DOCK4: variants seen among roughly 807,000 people sequenced by gnomAD.
DOCK4 encodes dedicator of cytokinesis 4.
A neutral mutation model predicts 268.1 loss-of-function variants in DOCK4; 97 were observed. That is an observed-to-expected ratio of 0.36 (90% confidence interval 0.31 to 0.43). The LOEUF is 0.43. Ranked by LOEUF, DOCK4 falls within the 20% of genes least tolerant of loss-of-function variation. The pLI is 1.00. For missense variants in DOCK4, 2,145 were observed against 2,455.7 expected (o/e 0.87, Z 2.67); for synonymous variants, 954 against 887.2 (o/e 1.08, Z -1.34).
At chr7:112,156,832 C>T (rs1816652384) in intron 1 of DOCK4, among the ~76,000 whole-genome samples, 1 of 152,000 alleles carries the variant, frequency 6.6e-6, no homozygotes, top group South Asian at 2.1e-4. Context: ...CCACCTTAAC[C>T]TTTCATATTA....
chr7:111,902,715 CAT>C (rs1166282345), intron 13 of DOCK4, among the ~76,000 whole-genome samples: 1 of 151,734 alleles, frequency 6.6e-6, no homozygotes, highest in Non-Finnish European at 1.5e-5. Flanking sequence ...TTACTTAACA[CAT>C]ATTTCAAACA....
chr7:111,969,703 T>A, intron 8 of DOCK4, among the ~76,000 whole-genome samples: 1 of 151,506 alleles, frequency 6.6e-6, no homozygotes, highest in African/African-American at 2.4e-5. Flanking sequence ...ATTTACTGTC[T>A]ATTGTAGATT....
chr7:112,191,815 A>G (rs944116771), intron 1 of DOCK4, among the ~76,000 whole-genome samples: 1 of 151,972 alleles, frequency 6.6e-6, no homozygotes, highest in Non-Finnish European at 1.5e-5. Context: ...CACAGGGCCA[A>G]TCACACAGGC....
chr7:112,128,603 C>G (rs1813489743), intron 1 of DOCK4, among the ~76,000 whole-genome samples: 1 of 152,252 alleles, frequency 6.6e-6, no homozygotes, highest in African/African-American at 2.4e-5. Context: ...ATCCTGTTAT[C>G]TGTGACCTTA....
At chr7:111,982,571 T>C (rs1314565221) in intron 7 of DOCK4, among the ~76,000 whole-genome samples, 2 of 152,210 alleles carry the variant, frequency 1.3e-5, no homozygotes, top group African/African-American at 4.8e-5. Flanking sequence ...TTTCCCTATT[T>C]AGTAGATGAA....
At position 111,735,106 on chromosome 7, in the gene DOCK4, C is replaced by T. The variant is rs139961687; in HGVS notation, c.5367G>A (p.Ser1789=). ...GGGGAGAGATAAGTTTCCCACTATC[C>T]GACATGTTCTTGGCTTCCTTCCCAC... ...LDSGKEAKNM[S]DSGKLISPPV... The change falls in exon 51 of 53, where the codon TCG becomes TCA. Residue 1789 remains serine, a synonymous_variant. Transcript: ENST00000428084. 81 of 1,602,452 alleles carry T rather than the reference C, an allele frequency of 5.1e-5. No homozygotes were observed. The highest frequency in any genetic ancestry group is 9.0e-5 in the East Asian group (4 of 44,636).
chr7:111,894,977 A>G (rs1808620390), intron 16 of DOCK4, among the ~76,000 whole-genome samples: 2 of 152,178 alleles, frequency 1.3e-5, no homozygotes, highest in Admixed American at 1.3e-4. Flanking sequence ...AAATGGAGAA[A>G]TGCAAAGGAG....
Position 111,735,169 on chromosome 7 carries a change from T to C in DOCK4, c.5306-2A>G, listed in dbSNP as rs1795388112. The stretch of plus-strand genomic sequence containing the variant: ...AGCTGCTAGGGGTGGGGTTCACAGC[T>C]GGAAGGGAATAACACAGCTAAAAAC... On this transcript the variant is annotated splice_acceptor_variant, in intron 50 of 52. Transcript: ENST00000428084. LOFTEE classifies it high-confidence loss of function. 6.4e-7 allele frequency: 1 copy of C among 1,570,972 alleles called. No homozygotes were observed. Among genetic ancestry groups the C allele is most frequent in the Non-Finnish European group, 8.6e-7 (1 of 1,156,464 alleles).
At chr7:112,193,691 A>G (rs1024417157) in intron 1 of DOCK4, among the ~76,000 whole-genome samples, 28 of 152,098 alleles carry the variant, frequency 1.8e-4, no homozygotes, top group Admixed American at 5.2e-4. Flanking sequence ...GAGAGCCAAC[A>G]CTAACTACAT....
chr7:111,814,334 G>T (rs1052797278), intron 27 of DOCK4, among the ~76,000 whole-genome samples: 2 of 152,054 alleles, frequency 1.3e-5, no homozygotes, highest in East Asian at 3.9e-4. Context: ...ACCTGCCCCG[G>T]GCCCTAGAAT....
At chr7:112,190,164 G>A (rs1465106559) in intron 1 of DOCK4, among the ~76,000 whole-genome samples, 1 of 152,032 alleles carries the variant, frequency 6.6e-6, no homozygotes, top group Non-Finnish European at 1.5e-5. Flanking sequence ...CCTCATCCAA[G>A]GAACCCATTC....
At chr7:112,178,033 A>C (rs867905488) in intron 1 of DOCK4, among the ~76,000 whole-genome samples, 5 of 152,240 alleles carry the variant, frequency 3.3e-5, no homozygotes, top group Admixed American at 6.5e-5. Context: ...AACAAATTGT[A>C]TTAAGTACCC....
chr7:112,039,357 T>G (rs1329056180), intron 1 of DOCK4, among the ~76,000 whole-genome samples: 2 of 134,908 alleles, frequency 1.5e-5, no homozygotes, highest in Admixed American at 7.3e-5. Context: ...CTGAAGGTTT[T>G]AAAGAGGATT....
intron 1 of DOCK4, among the ~76,000 whole-genome samples, chr7:112,204,683 T>C (rs1821224758): frequency 2.0e-5 from 3 of 152,076 alleles, no homozygotes; most frequent in African/African-American, 7.3e-5. Context: ...GGAATGATTT[T>C]GTTGAATCCT....
chr7:112,075,437 T>G (rs543384376), intron 1 of DOCK4, among the ~76,000 whole-genome samples: 1 of 152,266 alleles, frequency 6.6e-6, no homozygotes, highest in South Asian at 2.1e-4. Context: ...AGAGGAATCA[T>G]CACCTAGAGG....
At chr7:112,092,255 CCA>C (rs1442062828) in intron 1 of DOCK4, among the ~76,000 whole-genome samples, 2 of 152,294 alleles carry the variant, frequency 1.3e-5, no homozygotes, top group East Asian at 3.9e-4. Context: ...AGTATGTTTG[CCA>C]CACTGGTCTT....
chr7:111,883,966 G>A (rs368648986), intron 16 of DOCK4, among the ~76,000 whole-genome samples: 4 of 152,146 alleles, frequency 2.6e-5, no homozygotes, highest in African/African-American at 7.2e-5. Context: ...GGGGTAGCAG[G>A]AGAGAATTCC....
rs869052136 is a variant in DOCK4 at position 111,762,762 on chromosome 7, CTTT to C, written c.4020+2353_4020+2355del. Among the ~76,000 whole-genome samples the C allele has an allele frequency of 6.1e-3, 383 of 63,002 alleles. 1 individual carries two copies. Among genetic ancestry groups the C allele is most frequent in the East Asian group, 0.023 (46 of 2,014 alleles). The allele number at this position is 63,002 out of a possible 152,430, so 41.3% of individuals were successfully genotyped here. On this transcript the variant is annotated intron_variant, in intron 39 of 52. Coordinates refer to ENST00000428084, the MANE Select transcript of DOCK4 (RefSeq NM_001363540.2). ...TAAATAACCCATTTTGTTTTGTTTT[CTTT>C]TTTTTTTTTTTTTTTTTTTTTGGAG...
intron 1 of DOCK4, among the ~76,000 whole-genome samples, chr7:112,050,839 TA>T (rs1805287056): frequency 1.3e-5 from 2 of 152,174 alleles, no homozygotes; most frequent in East Asian, 3.8e-4. Context: ...AATTGCCAAG[TA>T]TTACTAAAAT....
Sources: allele counts gnomAD v4.1 joint callset (sites outside exome capture counted in the v4.1 genomes callset), GRCh38; gene constraint gnomAD v4.1.1; transcripts MANE v1.5; gene names NCBI Gene and HGNC (gene_info 2026-07-23, HGNC 2026-07-21).